GON4L: variants seen among roughly 807,000 people sequenced by gnomAD.
The protein encoded by GON4L is gon-4 like.
A neutral mutation model predicts 211.8 loss-of-function variants in GON4L; 87 were observed. The ratio of observed to expected loss-of-function variants is 0.41; its 90% CI spans 0.35 to 0.49. The LOEUF is 0.49. Among genes scored for constraint, GON4L ranks in the 20% least tolerant of loss-of-function variants. The probability of loss-of-function intolerance (pLI) is 0.15; values close to 1 mark genes in which losing one functional copy is unlikely to be tolerated. For missense variants in GON4L, 2,155 were observed against 2,659.5 expected (o/e 0.81, Z 4.17); for synonymous variants, 875 against 962.6 (o/e 0.91, Z 1.68).
rs1330122312 is a variant in GON4L, at chr1:155,853,278, CCTT to C, written c.500_502del (p.Glu167del). The C allele has an allele frequency of 2.4e-5, 39 of 1,613,272 alleles. No homozygotes were observed. Among genetic ancestry groups the C allele is most frequent in the Non-Finnish European group, 3.3e-5 (39 of 1,179,196 alleles). ...CCTAGAGACCTTGTATACCTTACCT[CCTT>C]CTTCCTTGACTTCTTCACTAGGCTC... On this transcript the variant is annotated inframe_deletion, in exon 2 of 32. Transcript: ENST00000368331.
At chr1:155,783,041 T>C (rs960268430) in intron 14 of GON4L, among the ~76,000 whole-genome samples, 7 of 152,202 alleles carry the variant, frequency 4.6e-5, no homozygotes, top group Non-Finnish European at 8.8e-5. Flanking sequence ...CATTATATGT[T>C]CCCAGGATGA....
At chr1:155,852,865 C>G (rs1671935376) in intron 2 of GON4L, among the ~76,000 whole-genome samples, 2 of 152,206 alleles carry the variant, frequency 1.3e-5, no homozygotes, top group South Asian at 4.1e-4. Flanking sequence ...GTAATCCCAG[C>G]ACTTTGGGAG....
chr1:155,748,779 G>T (rs759884683), downstream of GON4L: 1 of 1,613,242 alleles, frequency 6.2e-7, no homozygotes, highest in Non-Finnish European at 8.5e-7. Flanking sequence ...GACAGAGCAT[G>T]CCACACAAGG....
chr1:155,817,765 A>G (rs574620238), intron 6 of GON4L, among the ~76,000 whole-genome samples: 4 of 152,226 alleles, frequency 2.6e-5, no homozygotes, highest in Admixed American at 2.0e-4. Flanking sequence ...GAATGTTTCA[A>G]AAAAACCAAT....
chr1:155,809,454 A>C (rs890633031), intron 10 of GON4L, among the ~76,000 whole-genome samples: 1 of 150,702 alleles, frequency 6.6e-6, no homozygotes, highest in Non-Finnish European at 1.5e-5. Flanking sequence ...TCCTACTACT[A>C]CATACTCCAA....
intron 2 of GON4L, among the ~76,000 whole-genome samples, chr1:155,839,042 T>C (rs1670554367): frequency 6.6e-6 from 1 of 152,058 alleles, no homozygotes; most frequent in South Asian, 2.1e-4. Flanking sequence ...CTTAGGTTTA[T>C]ATAAAACTTA....
intron 6 of GON4L, among the ~76,000 whole-genome samples, chr1:155,819,848 T>C (rs1553213263): frequency 6.6e-6 from 1 of 152,216 alleles, no homozygotes; most frequent in Non-Finnish European, 1.5e-5. Context: ...CCAATGCATA[T>C]TCCAAGGCCC....
At chr1:155,815,526 G>A (rs1010186526) in intron 8 of GON4L, among the ~76,000 whole-genome samples, 1 of 152,104 alleles carries the variant, frequency 6.6e-6, no homozygotes, top group African/African-American at 2.4e-5. Flanking sequence ...GGTTGTCCTA[G>A]TAATGATATA....
At chr1:155,784,917 A>G (rs1263223659) in intron 13 of GON4L, 1 of 305,756 alleles carries the variant, frequency 3.3e-6, no homozygotes, top group Non-Finnish European at 6.4e-6. Flanking sequence ...GTTCCAGAAC[A>G]ACCTGAGCAA....
At chr1:155,798,978 GCTTAATCA>G (rs2102024347) in intron 11 of GON4L, among the ~76,000 whole-genome samples, 1 of 152,228 alleles carries the variant, frequency 6.6e-6, no homozygotes, top group Non-Finnish European at 1.5e-5. Flanking sequence ...TGTCCTCTGA[GCTTAATCA>G]CTTTTTTGAC....
intron 14 of GON4L, among the ~76,000 whole-genome samples, chr1:155,783,519 AG>A (rs1470940269): frequency 6.6e-6 from 1 of 152,254 alleles, no homozygotes; most frequent in Non-Finnish European, 1.5e-5. Flanking sequence ...TGCCAACTTT[AG>A]GCAAAAAGGT....
intron 3 of GON4L, among the ~76,000 whole-genome samples, chr1:155,824,727 G>A (rs1260414160): frequency 1.4e-5 from 2 of 138,086 alleles, no homozygotes; most frequent in Non-Finnish European, 3.0e-5. Context: ...CTGGGCGACA[G>A]AGTGAGACTC....
chr1:155,790,305 G>A (rs1665399568), intron 12 of GON4L, among the ~76,000 whole-genome samples: 1 of 151,380 alleles, frequency 6.6e-6, no homozygotes. Flanking sequence ...TCACCATATT[G>A]GCCAGGCTGG....
intron 1 of GON4L, among the ~76,000 whole-genome samples, chr1:155,854,762 G>A (rs772499717): frequency 2.0e-5 from 3 of 152,120 alleles, no homozygotes; most frequent in Non-Finnish European, 4.4e-5. Flanking sequence ...GGCTGGGCAC[G>A]AGATGGCTCA....
At position 155,766,031 on chromosome 1, in the gene GON4L, G is replaced by C. The variant is rs778956926; in HGVS notation, c.3442C>G (p.Pro1148Ala). ...HHPASVIFTV[P>A]ATTVKIVSLG... is the part of the protein sequence containing the mutation. ...CTCACAATCTTCACAGTGGTAGCAG[G>C]AACAGTGAAGATAACAGATGCAGGG... Residue 1148 changes from proline (P) to alanine (A), a missense_variant, in exon 21 of 32, where the codon CCT becomes GCT. Physicochemically the swap from Pro to Ala is conservative, Grantham distance 27. Coordinates refer to ENST00000368331, the MANE Select transcript of GON4L (RefSeq NM_001282860.2). The C allele has an allele frequency of 1.9e-6, 3 of 1,614,190 alleles. No individual in the cohort carries two copies. The highest frequency in any genetic ancestry group is 2.5e-6 in the Non-Finnish European group (3 of 1,180,032).
intron 2 of GON4L, among the ~76,000 whole-genome samples, chr1:155,849,386 T>C (rs1399496037): frequency 6.7e-6 from 1 of 150,342 alleles, no homozygotes; most frequent in African/African-American, 2.5e-5. Flanking sequence ...CTACTAAAAA[T>C]ACAAAAAATT....
intron 7 of GON4L, 67 bp downstream of exon 7, chr1:155,816,145 G>C: frequency 1.3e-6 from 1 of 793,442 alleles, no homozygotes; most frequent in Admixed American, 2.0e-5. Context: ...TAAAGAGGAA[G>C]TACTTAAGTT....
chr1:155,748,440 C>T, downstream of GON4L: 1 of 1,610,982 alleles, frequency 6.2e-7, no homozygotes, highest in East Asian at 2.2e-5. Context: ...CTGGCTACAG[C>T]CCTGGACACA....
At chr1:155,762,775 C>T (rs992182843) in intron 22 of GON4L, among the ~76,000 whole-genome samples, 35 of 152,200 alleles carry the variant, frequency 2.3e-4, no homozygotes, top group African/African-American at 7.7e-4. Flanking sequence ...CAGTGGCTCA[C>T]GCCTGTAATC....
Sources: gnomAD v4.1 joint callset for allele counts (sites outside exome capture counted in the v4.1 genomes callset) on GRCh38, gnomAD v4.1.1 for gene constraint, MANE v1.5 for transcripts, NCBI Gene and HGNC (gene_info 2026-07-23, HGNC 2026-07-21) for gene names.